The following ANKH variants were observed in gnomAD, a reference collection of about 807,000 sequenced individuals.
ANKH encodes ANKH inorganic pyrophosphate transport regulator.
In ANKH, 15 loss-of-function variants were observed where a neutral mutation model predicts 49.0. The ratio of observed to expected loss-of-function variants is 0.31; its 90% CI spans 0.20 to 0.47. The LOEUF is 0.47. Among genes scored for constraint, ANKH ranks in the 20% least tolerant of loss-of-function variants. The pLI is 1.00. For missense variants in ANKH, 429 were observed against 652.0 expected (o/e 0.66, Z 3.72); for synonymous variants, 273 against 260.0 (o/e 1.05, Z -0.48).
At chr5:14,795,937 G>A (rs1050919462) in intron 1 of ANKH, among the ~76,000 whole-genome samples, 4 of 152,074 alleles carry the variant, frequency 2.6e-5, no homozygotes, top group African/African-American at 9.7e-5. Context: ...CGTGAGGCTG[G>A]TTAATTATTC....
intron 1 of ANKH, among the ~76,000 whole-genome samples, chr5:14,845,964 T>C (rs1428232564): frequency 6.7e-6 from 1 of 149,534 alleles, no homozygotes; most frequent in Non-Finnish European, 1.5e-5. Context: ...CAAGTGATTC[T>C]CCTGCCTTAG....
At chr5:14,712,780 G>A (rs888282466) in intron 11 of ANKH, 94 bp downstream of exon 11, 12 of 1,275,272 alleles carry the variant, frequency 9.4e-6, no homozygotes, top group East Asian at 7.6e-5. Context: ...CCCCACTGAC[G>A]AACGCCACCA....
At chr5:14,845,348 G>GTA (rs752770046) in intron 1 of ANKH, among the ~76,000 whole-genome samples, 333 of 92,260 alleles carry the variant, frequency 3.6e-3, no homozygotes, top group East Asian at 0.018. Context: ...AGTTTCATGT[G>GTA]TATATATATA....
chr5:14,742,826 G>A (rs923840370), intron 7 of ANKH, among the ~76,000 whole-genome samples: 24 of 152,234 alleles, frequency 1.6e-4, no homozygotes, highest in African/African-American at 4.8e-4. Flanking sequence ...AGTCAAAGGC[G>A]CCTGCCGAGG....
At position 14,754,220 on chromosome 5, in the gene ANKH, TA is replaced by T. The variant is rs372797830; in HGVS notation, c.516+1640del. ...AACAGGCAAGGGCCAGGATCAGGTT[TA>T]AAATAGAGAAGGAAAATGGCTGTAG... On this transcript the variant is annotated intron_variant, in intron 4 of 11. Transcript: ENST00000284268. Among the ~76,000 whole-genome samples the T allele has an allele frequency of 1.4e-4, 22 of 152,304 alleles. No homozygotes were observed. The East Asian group carries it at 4.2e-3, about 29-fold the overall frequency.
chr5:14,801,493 G>C (rs1740565692), intron 1 of ANKH, among the ~76,000 whole-genome samples: 1 of 152,184 alleles, frequency 6.6e-6, no homozygotes, highest in African/African-American at 2.4e-5. Flanking sequence ...AATGACTCTA[G>C]AAAACAAAAT....
chr5:14,712,095 GCCAGGCAAAGC>G (rs1228153943), intron 11 of ANKH, among the ~76,000 whole-genome samples: 1 of 152,034 alleles, frequency 6.6e-6, no homozygotes, highest in Non-Finnish European at 1.5e-5. Flanking sequence ...CATTATATTT[GCCAGGCAAAGC>G]CCCAGCTGTG....
rs1741752613 is a variant in ANKH at position 14,839,387 on chromosome 5, A to G, written c.96+31965T>C. Among the ~76,000 whole-genome samples the G allele has an allele frequency of 3.3e-5, 5 of 152,150 alleles. 1 individual carries two copies. In the South Asian group the frequency reaches 1.0e-3, roughly 32 times the overall value. On this transcript the variant is annotated intron_variant, in intron 1 of 11. Transcript: ENST00000284268. Reference sequence around the variant, plus strand: ...TCATAACTTGAATACATACAGACACACACGCACAGACAGAGTTTTGGCTCA... The same window carrying G: ...TCATAACTTGAATACATACAGACACGCACGCACAGACAGAGTTTTGGCTCA...
At chr5:14,751,037 C>T (rs1446077055) in intron 5 of ANKH, 32 bp downstream of exon 5, 1 of 1,611,454 alleles carries the variant, frequency 6.2e-7, no homozygotes. Context: ...CTCTGAGTCT[C>T]AGACAGACTG....
chr5:14,867,155 C>CAAAAAAAAA (rs774841903), intron 1 of ANKH, among the ~76,000 whole-genome samples: 2 of 69,264 alleles, frequency 2.9e-5, no homozygotes, highest in East Asian at 3.5e-4. Flanking sequence ...GACTCAGTCT[C>CAAAAAAAAA]AAAAAAAAAA....
chr5:14,729,268 G>C (rs535291820), intron 8 of ANKH, among the ~76,000 whole-genome samples: 1 of 152,000 alleles, frequency 6.6e-6, no homozygotes, highest in Non-Finnish European at 1.5e-5. Context: ...GGGCAGGCTG[G>C]TCTCGAACTC....
intron 4 of ANKH, among the ~76,000 whole-genome samples, chr5:14,755,582 G>T (rs1182750706): frequency 6.6e-6 from 1 of 152,126 alleles, no homozygotes; most frequent in Non-Finnish European, 1.5e-5. Context: ...CATCTCATGT[G>T]CATGCTCTTT....
At chr5:14,845,368 T>TATA (rs1561081247) in intron 1 of ANKH, among the ~76,000 whole-genome samples, 21 of 20,148 alleles carry the variant, frequency 1.0e-3, no homozygotes, top group Admixed American at 3.6e-3. Flanking sequence ...ATATATATAT[T>TATA]TTTTTTTTTA....
intron 1 of ANKH, among the ~76,000 whole-genome samples, chr5:14,840,056 T>C (rs190880869): frequency 3.9e-5 from 6 of 152,326 alleles, no homozygotes; most frequent in Admixed American, 3.9e-4. Context: ...CAAAGGAATA[T>C]ACAAGAAGTT....
chr5:14,806,108 A>G (rs907821982), intron 1 of ANKH, among the ~76,000 whole-genome samples: 2 of 152,210 alleles, frequency 1.3e-5, no homozygotes, highest in African/African-American at 2.4e-5. Flanking sequence ...ATAATTTTCA[A>G]TTCTTCCACC....
At chr5:14,822,193 C>A (rs949602071) in intron 1 of ANKH, among the ~76,000 whole-genome samples, 1 of 152,120 alleles carries the variant, frequency 6.6e-6, no homozygotes, top group African/African-American at 2.4e-5. Context: ...TAAATACACA[C>A]TGGATTTCCA....
Position 14,828,580 on chromosome 5 carries a change from C to T in ANKH, c.96+42772G>A, listed in dbSNP as rs576859193. On this transcript the variant is annotated intron_variant, in intron 1 of 11. Coordinates refer to ENST00000284268, the MANE Select transcript of ANKH (RefSeq NM_054027.6). ...AAAAAGTTTCCTCTTCTTTTCTTTT[C>T]TTTCTTCTTCTTTTTTTTAATACCA... 5.3e-5 allele frequency among the ~76,000 whole-genome samples: 8 copies of T among 152,124 alleles called. No homozygotes were observed. In the South Asian group the frequency reaches 1.2e-3, roughly 24 times the overall value.
At chr5:14,827,319 C>T (rs1741373174) in intron 1 of ANKH, among the ~76,000 whole-genome samples, 1 of 152,210 alleles carries the variant, frequency 6.6e-6, no homozygotes, top group Non-Finnish European at 1.5e-5. Flanking sequence ...GAAGGTAAAA[C>T]AAACATTTTA....
intron 1 of ANKH, among the ~76,000 whole-genome samples, chr5:14,830,510 A>AGTGT (rs35379260): frequency 0.2 from 28,841 of 147,256 alleles, 3,017 homozygotes; most frequent in East Asian, 0.42. Context: ...AGGTAGGGGG[A>AGTGT]GTGTGTGTGT....
Sources: gnomAD v4.1 joint callset for allele counts (sites outside exome capture counted in the v4.1 genomes callset) on GRCh38, gnomAD v4.1.1 for gene constraint, MANE v1.5 for transcripts, NCBI Gene and HGNC (gene_info 2026-07-23, HGNC 2026-07-21) for gene names.